EYS: variants seen among roughly 807,000 people sequenced by gnomAD.
The protein encoded by EYS is EGF-like photoreceptor maintenance factor.
EYS carries 250 observed loss-of-function variants against 282.1 expected under a neutral mutation model. The observed-to-expected ratio is 0.89, with a 90% CI of 0.80 to 0.98. The LOEUF (loss-of-function observed/expected upper bound fraction) is 0.98. Among genes scored for constraint, EYS ranks in the 50% least tolerant of loss-of-function variants. The pLI, the probability that EYS is intolerant of heterozygous loss-of-function variation, is 0.00. For synonymous variants in EYS, 1,355 were observed against 1,282.9 expected (o/e 1.06, Z -1.20); for missense variants, 4,016 against 3,709.0 (o/e 1.08, Z -2.15).
intron 31 of EYS, among the ~76,000 whole-genome samples, chr6:64,118,701 A>C (rs1041075296): frequency 4.5e-4 from 68 of 152,280 alleles, no homozygotes; most frequent in African/African-American, 1.6e-3. Context: ...ATATCAAACT[A>C]AAAAGTGCCT....
At chr6:65,237,561 A>G (rs1018094905) in intron 12 of EYS, among the ~76,000 whole-genome samples, 2 of 151,748 alleles carry the variant, frequency 1.3e-5, no homozygotes, top group Non-Finnish European at 2.9e-5. Flanking sequence ...ACAGAGTAAG[A>G]CCCTGTCTCA....
At chr6:65,044,745 G>A (rs1003712097) in intron 13 of EYS, among the ~76,000 whole-genome samples, 7 of 151,764 alleles carry the variant, frequency 4.6e-5, no homozygotes, top group African/African-American at 1.7e-4. Context: ...GGGGAAAATT[G>A]AGATTCCCTA....
chr6:65,428,430 T>G (rs1288710571), intron 5 of EYS, among the ~76,000 whole-genome samples: 4 of 152,168 alleles, frequency 2.6e-5, no homozygotes, highest in African/African-American at 9.7e-5. Flanking sequence ...TGCCAATCAT[T>G]GCTATTCATT....
At chr6:65,013,924 G>A (rs1451119051) in intron 13 of EYS, among the ~76,000 whole-genome samples, 6 of 152,134 alleles carry the variant, frequency 3.9e-5, no homozygotes, top group Non-Finnish European at 7.3e-5. Context: ...CTCCGTAATT[G>A]TTTACTTTAT....
intron 37 of EYS, among the ~76,000 whole-genome samples, chr6:63,799,743 A>C (rs1770738245): frequency 1.3e-5 from 2 of 152,240 alleles, no homozygotes; most frequent in South Asian, 4.1e-4. Context: ...AAATGACAAA[A>C]CAGTATTTAA....
chr6:64,658,561 T>G, intron 22 of EYS, among the ~76,000 whole-genome samples: 1 of 152,216 alleles, frequency 6.6e-6, no homozygotes, highest in Non-Finnish European at 1.5e-5. Context: ...TTTGTCAGTT[T>G]TTCTTCTAAC....
chr6:64,934,818 A>G (rs1768850655), intron 15 of EYS, among the ~76,000 whole-genome samples: 1 of 151,872 alleles, frequency 6.6e-6, no homozygotes, highest in Non-Finnish European at 1.5e-5. Context: ...TTATTCACAC[A>G]TAAAAATCAT....
At chr6:64,231,360 C>A (rs1766421095) in intron 30 of EYS, among the ~76,000 whole-genome samples, 1 of 151,860 alleles carries the variant, frequency 6.6e-6, no homozygotes, top group African/African-American at 2.4e-5. Context: ...TGAACAACAA[C>A]AAAAGTCTCT....
At chr6:63,771,688 A>G (rs1769929202) in intron 40 of EYS, among the ~76,000 whole-genome samples, 2 of 152,158 alleles carry the variant, frequency 1.3e-5, no homozygotes. Flanking sequence ...GAGAGAAAAG[A>G]GGTTACTCTT....
intron 12 of EYS, among the ~76,000 whole-genome samples, chr6:65,243,153 T>C (rs1010465796): frequency 3.3e-5 from 5 of 152,232 alleles, no homozygotes; most frequent in African/African-American, 9.6e-5. Context: ...CATTCATTTA[T>C]TCATTCACTT....
At chr6:64,700,902 G>A (rs187893130) in intron 22 of EYS, among the ~76,000 whole-genome samples, 7 of 151,890 alleles carry the variant, frequency 4.6e-5, no homozygotes, top group Admixed American at 2.0e-4. Context: ...AACAGAGCCC[G>A]AGTAAGCCAA....
At chr6:65,427,779 A>G (rs1208218683) in intron 5 of EYS, among the ~76,000 whole-genome samples, 1 of 152,084 alleles carries the variant, frequency 6.6e-6, no homozygotes, top group African/African-American at 2.4e-5. Flanking sequence ...TGAAATAATC[A>G]AAATAGTATA....
intron 12 of EYS, among the ~76,000 whole-genome samples, chr6:65,288,056 G>A (rs1768419162): frequency 6.6e-6 from 1 of 151,126 alleles, no homozygotes; most frequent in African/African-American, 2.4e-5. Flanking sequence ...GACTAAATAT[G>A]CATTAGTTGT....
chr6:63,812,516 TTTA>T (rs1197108391), intron 36 of EYS, among the ~76,000 whole-genome samples: 1 of 152,226 alleles, frequency 6.6e-6, no homozygotes, highest in Non-Finnish European at 1.5e-5. Flanking sequence ...TTGTTTACTT[TTTA>T]TTATTTTTTC....
At chr6:63,934,125 T>C (rs930006257) in intron 35 of EYS, among the ~76,000 whole-genome samples, 6 of 152,186 alleles carry the variant, frequency 3.9e-5, no homozygotes, top group Admixed American at 3.9e-4. Context: ...AAGACACTTA[T>C]GCAGCCAAAA....
intron 12 of EYS, among the ~76,000 whole-genome samples, chr6:65,269,775 C>A (rs776366186): frequency 6.6e-6 from 1 of 151,992 alleles, no homozygotes; most frequent in Admixed American, 6.6e-5. Context: ...CATGGCAGAC[C>A]GAGGGCAAGC....
chr6:64,746,606 G>T (rs1039658068), intron 22 of EYS, among the ~76,000 whole-genome samples: 3 of 152,130 alleles, frequency 2.0e-5, no homozygotes, highest in African/African-American at 7.2e-5. Flanking sequence ...CATGAATAAA[G>T]AATTTAGGAA....
intron 2 of EYS, among the ~76,000 whole-genome samples, chr6:65,591,350 CTG>C (rs147315659): frequency 6.0e-5 from 9 of 150,526 alleles, no homozygotes; most frequent in Non-Finnish European, 1.0e-4. Flanking sequence ...TATACTTAAT[CTG>C]TGTGTGTGTG....
intron 26 of EYS, among the ~76,000 whole-genome samples, chr6:64,552,554 C>T (rs2149806465): frequency 6.6e-6 from 1 of 152,236 alleles, no homozygotes; most frequent in African/African-American, 2.4e-5. Flanking sequence ...TGATCTTAAC[C>T]CAGACAGTCC....
Sources: allele counts gnomAD v4.1 joint callset (sites outside exome capture counted in the v4.1 genomes callset), GRCh38; gene constraint gnomAD v4.1.1; transcripts MANE v1.5; gene names NCBI Gene and HGNC (gene_info 2026-07-23, HGNC 2026-07-21).